Variants in SLC30A8 observed in about 807,000 individuals in gnomAD.
SLC30A8 encodes the protein proton-coupled zinc antiporter SLC30A8.
In SLC30A8, 27 loss-of-function variants were observed where a neutral mutation model predicts 36.9. The ratio of observed to expected loss-of-function variants is 0.73; its 90% CI spans 0.54 to 1.01. The LOEUF (loss-of-function observed/expected upper bound fraction) is 1.01, where lower values mean the gene tolerates loss of function less well. Among genes scored for constraint, SLC30A8 ranks in the 50% least tolerant of loss-of-function variants. The probability of loss-of-function intolerance (pLI) is 0.00; values close to 1 mark genes in which losing one functional copy is unlikely to be tolerated. For synonymous variants in SLC30A8, 164 were observed against 172.4 expected (o/e 0.95, Z 0.38); for missense variants, 439 against 452.0 (o/e 0.97, Z 0.26).
chr8:117,043,810 G>A (rs73314041), intron 2 of SLC30A8, among the ~76,000 whole-genome samples: 1,769 of 152,304 alleles, frequency 0.012, 36 homozygotes, highest in African/African-American at 0.039. Context: ...TCAAAAAACA[G>A]TAGGTAGAAT....
chr8:116,987,338 G>A (rs976163960), intron 1 of SLC30A8, among the ~76,000 whole-genome samples: 3 of 151,892 alleles, frequency 2.0e-5, no homozygotes, highest in African/African-American at 7.3e-5. Context: ...TATACCTAAT[G>A]TTAAATGACG....
intron 4 of SLC30A8, among the ~76,000 whole-genome samples, chr8:117,158,869 C>A (rs1454747075): frequency 6.6e-6 from 1 of 152,164 alleles, no homozygotes; most frequent in Non-Finnish European, 1.5e-5. Flanking sequence ...CATCCTAACC[C>A]CTGGAACTTC....
intron 2 of SLC30A8, among the ~76,000 whole-genome samples, chr8:117,103,473 C>T (rs1819818015): frequency 7.1e-6 from 1 of 141,318 alleles, no homozygotes; most frequent in Non-Finnish European, 1.5e-5. Flanking sequence ...TTAAGGGTAA[C>T]ATACTTTGTT....
chr8:117,137,498 C>T (rs1009242073), intron 1 of SLC30A8, among the ~76,000 whole-genome samples: 4 of 152,030 alleles, frequency 2.6e-5, no homozygotes, highest in Non-Finnish European at 4.4e-5. Flanking sequence ...TATTTTATTA[C>T]GATTCTCTGG....
intron 6 of SLC30A8, among the ~76,000 whole-genome samples, chr8:117,169,303 C>T (rs1823239284): frequency 6.6e-6 from 1 of 152,078 alleles, no homozygotes; most frequent in Non-Finnish European, 1.5e-5. Flanking sequence ...CCATTTTTTG[C>T]CGAGTGTTCC....
intron 1 of SLC30A8, among the ~76,000 whole-genome samples, chr8:117,145,496 T>A (rs1245515796): frequency 6.6e-6 from 1 of 152,114 alleles, no homozygotes; most frequent in Middle Eastern, 3.2e-3. Context: ...TGAATGGTGA[T>A]AGGCTAAATG....
In SLC30A8 at chr8:117,005,885, C is replaced by T. The variant is rs188473852; in HGVS notation, c.-265-33334C>T. Among the ~76,000 whole-genome samples the T allele has an allele frequency of 1.1e-4, 16 of 152,326 alleles. No homozygotes were observed. The East Asian group carries it at 2.5e-3, about 24-fold the overall frequency. ...TTTCACTTGGCAATAGATTTACCCT[C>T]AAGTGACAGATACTGCATCCAGTTT... On this transcript the variant is annotated intron_variant, in intron 1 of 10. Coordinates refer to the SLC30A8 transcript ENST00000427715.
intron 2 of SLC30A8, among the ~76,000 whole-genome samples, chr8:117,127,643 C>T (rs1172479495): frequency 6.6e-6 from 1 of 151,956 alleles, no homozygotes; most frequent in Non-Finnish European, 1.5e-5. Context: ...ATCTGTAATT[C>T]CAGGCTCTGG....
At chr8:116,977,683 T>C (rs996117911) in intron 1 of SLC30A8, among the ~76,000 whole-genome samples, 2 of 151,978 alleles carry the variant, frequency 1.3e-5, no homozygotes, top group Non-Finnish European at 2.9e-5. Context: ...GGCTAATTTT[T>C]GTATGTTAAG....
At chr8:117,066,460 T>G (rs975798611) in intron 2 of SLC30A8, among the ~76,000 whole-genome samples, 1 of 152,186 alleles carries the variant, frequency 6.6e-6, no homozygotes, top group Non-Finnish European at 1.5e-5. Context: ...ACCTGTTGTT[T>G]ATACCACCCA....
intron 1 of SLC30A8, among the ~76,000 whole-genome samples, chr8:117,037,781 A>G (rs1362633663): frequency 6.6e-6 from 1 of 152,168 alleles, no homozygotes; most frequent in Non-Finnish European, 1.5e-5. Flanking sequence ...GAAACTGACC[A>G]CCCATCAAGC....
At chr8:117,107,157 T>C (rs951985616) in intron 2 of SLC30A8, among the ~76,000 whole-genome samples, 7 of 152,176 alleles carry the variant, frequency 4.6e-5, no homozygotes, top group African/African-American at 7.2e-5. Flanking sequence ...AATGCATTTA[T>C]ATTGACAGTG....
intron 1 of SLC30A8, among the ~76,000 whole-genome samples, chr8:116,980,222 G>C (rs1815205896): frequency 6.6e-6 from 1 of 151,982 alleles, no homozygotes; most frequent in South Asian, 2.1e-4. Context: ...TGGTAGTTTT[G>C]GGCTGTTTAG....
chr8:117,052,303 G>A (rs376580714), intron 2 of SLC30A8, among the ~76,000 whole-genome samples: 79 of 152,284 alleles, frequency 5.2e-4, no homozygotes, highest in African/African-American at 1.4e-3. Flanking sequence ...GAGCCACTGC[G>A]CCCAGCCAAG....
At position 117,157,796 on chromosome 8, in the gene SLC30A8, C is replaced by G. The variant is rs748727258; in HGVS notation, c.524C>G (p.Ala175Gly). 1 of 1,614,082 alleles carries G rather than the reference C, an allele frequency of 6.2e-7. No individual in the cohort carries two copies. The highest frequency in any genetic ancestry group is 8.5e-7 in the Non-Finnish European group (1 of 1,179,998). Reference sequence around the variant, plus strand: ...CTGTATCCTGATTACCAGATCCAGGCGACTGTGATGATCATCGTTTCCAGC... The same window carrying G: ...CTGTATCCTGATTACCAGATCCAGGGGACTGTGATGATCATCGTTTCCAGC... The part of the protein sequence containing the change: ...RLLYPDYQIQ[A>G]TVMIIVSSCA... The change falls in exon 4 of 8, where the codon GCG becomes GGG. Residue 175 changes from alanine (A) to glycine (G), a missense_variant. Physicochemically the swap from Ala to Gly is moderately conservative, Grantham distance 60. Transcript: ENST00000456015.
At chr8:117,157,989 G>A (rs1321889238) in intron 4 of SLC30A8, 145 bp downstream of exon 4, 8 of 901,598 alleles carry the variant, frequency 8.9e-6, no homozygotes, top group Admixed American at 2.9e-5. Flanking sequence ...TTGAAAATAA[G>A]GTTGACTGCT....
intron 1 of SLC30A8, among the ~76,000 whole-genome samples, chr8:117,031,883 T>C (rs1817062591): frequency 6.6e-6 from 1 of 152,226 alleles, no homozygotes; most frequent in African/African-American, 2.4e-5. Flanking sequence ...GGGAGTGGGC[T>C]GCTCTTCAAG....
intron 4 of SLC30A8, among the ~76,000 whole-genome samples, chr8:117,159,784 G>A (rs1473487584): frequency 6.6e-6 from 1 of 152,208 alleles, no homozygotes; most frequent in Non-Finnish European, 1.5e-5. Context: ...AGAGTCATAT[G>A]TCACTTAGGC....
chr8:117,052,105 G>T (rs1817728493), intron 2 of SLC30A8, among the ~76,000 whole-genome samples: 1 of 152,090 alleles, frequency 6.6e-6, no homozygotes, highest in Admixed American at 6.6e-5. Context: ...CTGCCTCCCG[G>T]GTTCAAGCGA....
Sources: gnomAD v4.1 joint callset for allele counts (sites outside exome capture counted in the v4.1 genomes callset) on GRCh38, gnomAD v4.1.1 for gene constraint, MANE v1.5 for transcripts, NCBI Gene and HGNC (gene_info 2026-07-23, HGNC 2026-07-21) for gene names.